Variants in ATP8B2 observed in about 807,000 individuals in gnomAD.
ATP8B2 encodes ATPase phospholipid transporting 8B2, also known as phospholipid-transporting ATPase ID.
A neutral mutation model predicts 133.4 loss-of-function variants in ATP8B2; 70 were observed. That is an observed-to-expected ratio of 0.52 (90% CI 0.43 to 0.64). ATP8B2 has a LOEUF of 0.64. Ranked by LOEUF, ATP8B2 falls within the 30% of genes least tolerant of loss-of-function variation. ATP8B2 has a pLI of 0.00. For synonymous variants in ATP8B2, 517 were observed against 589.5 expected, an observed-to-expected ratio of 0.88 and a Z score of 1.78; for missense variants, 1,101 against 1,535.7, an observed-to-expected ratio of 0.72 and a Z score of 4.73.
Position 154,328,994 on chromosome 1 carries a change from G to A in ATP8B2, c.31+822G>A, listed in dbSNP as rs545002534. On this transcript the variant is annotated intron_variant, in intron 2 of 27. Coordinates refer to ENST00000368489, the MANE Select transcript of ATP8B2 (RefSeq NM_001370597.1). The surrounding 1 kb of genome is among the most constrained non-coding windows in gnomAD (Gnocchi z 4.6). Reference sequence around the variant, plus strand: ...CCCCACTCAAACCGGGATCATGACGGTCCCCAAGGAGATGCCCGAGAAGTG... The same window carrying A: ...CCCCACTCAAACCGGGATCATGACGATCCCCAAGGAGATGCCCGAGAAGTG... 35 of 1,304,054 alleles carry A rather than the reference G, an allele frequency of 2.7e-5. 1 individual carries two copies. In the South Asian group the frequency reaches 3.9e-4, roughly 15 times the overall value. The allele number at this position is 1,304,054 out of a possible 1,614,324, so 80.8% of individuals were successfully genotyped here. A position where few individuals can be genotyped will look rare whatever the true frequency, so the allele number is the denominator to read the frequency against.
At chr1:154,339,047 C>A (rs1220450370) in intron 12 of ATP8B2, among the ~76,000 whole-genome samples, 1 of 152,204 alleles carries the variant, frequency 6.6e-6, no homozygotes, top group Non-Finnish European at 1.5e-5. Flanking sequence ...GATAAGGGAA[C>A]CTGTGACATT....
At chr1:154,339,342 C>T (rs1487152002) in intron 12 of ATP8B2, among the ~76,000 whole-genome samples, 12 of 152,128 alleles carry the variant, frequency 7.9e-5, no homozygotes, top group Admixed American at 7.9e-4. Context: ...TCTTAGTTTT[C>T]CCACGTGAAA....
chr1:154,351,097 A>G lies in ATP8B2; in HGVS notation c.*1979A>G, dbSNP rs1196185063. 2.7e-5 allele frequency: 4 copies of G among 146,898 alleles called. No homozygotes were observed. Among genetic ancestry groups the G allele is most frequent in the Non-Finnish European group, 6.0e-5 (4 of 66,896 alleles). 9.1% of individuals were successfully genotyped at this position (146,898 alleles called of 1,614,324 possible). ...ATTTTTTTTCATATTTTGTTTGTCT[A>G]TATTATATAAATATATATATACAGT... is the stretch of plus-strand genomic sequence containing the variant. On this transcript the variant is annotated 3_prime_UTR_variant, in exon 28 of 28. Coordinates refer to ENST00000368489, the MANE Select transcript of ATP8B2 (RefSeq NM_001370597.1).
At position 154,346,161 on chromosome 1, in the gene ATP8B2, T is replaced by G; in HGVS notation, c.2779-70T>G. 8 of 1,567,870 alleles carry G rather than the reference T, an allele frequency of 5.1e-6. No individual in the cohort carries two copies. Among genetic ancestry groups the G allele is most frequent in the Non-Finnish European group, 6.9e-6 (8 of 1,153,072 alleles). ...AGGAGGCAGGGACAGAGTCAGAGTC[T>G]GCCCTTGGTCATCCAGGGTCAAAAC... On this transcript the variant is annotated intron_variant, in intron 24 of 27. Coordinates refer to ENST00000368489, the MANE Select transcript of ATP8B2 (RefSeq NM_001370597.1). The surrounding 1 kb of genome is among the most constrained non-coding windows in gnomAD (Gnocchi z 4.5).
Position 154,345,970 on chromosome 1 carries a change from C to T in ATP8B2, c.2778+87C>T, listed in dbSNP as rs1686567919. 6 of 1,333,918 alleles carry T rather than the reference C, an allele frequency of 4.5e-6. No homozygotes were observed. The highest frequency in any genetic ancestry group is 2.9e-5 in the African/African-American group (2 of 69,056). 82.6% of individuals were successfully genotyped at this position (1,333,918 alleles called of 1,614,324 possible). A position where few individuals can be genotyped will look rare whatever the true frequency, so the allele number is the denominator to read the frequency against. ...TAGACGTGGTGTGTGACACTTGTGC[C>T]CATTTCCTGTGGCCACTGGGAAGGC... is the stretch of plus-strand genomic sequence containing the variant. On this transcript the variant is annotated intron_variant, in intron 24 of 27. Coordinates refer to ENST00000368489, the MANE Select transcript of ATP8B2 (RefSeq NM_001370597.1). This position sits in a 1 kb window ranked among gnomAD's most constrained non-coding sequence, Gnocchi z 5.6.
chr1:154,334,465 G>T lies in ATP8B2; in HGVS notation c.749-38G>T. On this transcript the variant is annotated intron_variant, in intron 10 of 27. Transcript: ENST00000368489. The surrounding 1 kb of genome is among the most constrained non-coding windows in gnomAD (Gnocchi z 4.6). ...AGGGCAGAAGCCCAGAGGCAGATGTGTTATTTGGCTTTCCCAGCCCTTCCC... is the reference window on the plus strand; with the variant it reads ...AGGGCAGAAGCCCAGAGGCAGATGTTTTATTTGGCTTTCCCAGCCCTTCCC... 3 of 1,603,576 alleles carry T rather than the reference G, an allele frequency of 1.9e-6. No homozygotes were observed. The highest frequency in any genetic ancestry group is 2.6e-6 in the Non-Finnish European group (3 of 1,170,692).
At position 154,345,304 on chromosome 1, in the gene ATP8B2, C is replaced by T; in HGVS notation, c.2471-18C>T. On this transcript the variant is annotated intron_variant, in intron 22 of 27. Transcript: ENST00000368489. This position sits in a 1 kb window ranked among gnomAD's most constrained non-coding sequence, Gnocchi z 5.6. ...CCGGTGGCCATCTTCACCCTCTTGTCATCTCTTGTCTCTGCAGCGGCTCAC... is the reference window on the plus strand; with the variant it reads ...CCGGTGGCCATCTTCACCCTCTTGTTATCTCTTGTCTCTGCAGCGGCTCAC... 2 of 1,613,190 alleles carry T rather than the reference C, an allele frequency of 1.2e-6. No homozygotes were observed. The highest frequency in any genetic ancestry group is 1.3e-5 in the African/African-American group (1 of 75,018).
In ATP8B2 at chr1:154,342,805, C is replaced by A. The variant is rs773566951; in HGVS notation, c.1297C>A (p.Pro433Thr). 3.7e-6 allele frequency: 6 copies of A among 1,614,106 alleles called. No individual in the cohort carries two copies. Among genetic ancestry groups the A allele is most frequent in the South Asian group, 3.3e-5 (3 of 91,082 alleles). The change falls in exon 15 of 28, where the codon CCT becomes ACT. Residue 433 changes from proline to threonine, a missense_variant. By Grantham distance (38) the Pro-to-Thr change is conservative. Coordinates refer to ENST00000368489, the MANE Select transcript of ATP8B2 (RefSeq NM_001370597.1). ...HKAELGERPE[P>T]VDFSFNPLAD... is the part of the protein sequence containing the mutation. The stretch of plus-strand genomic sequence containing the variant: ...TTCTTATGTGTTTCAGAGGCCTGAA[C>A]CTGTTGACTTCTCCTTCAATCCTCT...
intron 1 of ATP8B2, 178 bp from the exon 2 acceptor site, chr1:154,327,927 G>A: frequency 6.4e-7 from 1 of 1,566,532 alleles, no homozygotes; most frequent in East Asian, 2.2e-5. Context: ...GGGAGGTGGT[G>A]GGGAAGTCCC....
Position 154,328,891 on chromosome 1 carries a change from G to T in ATP8B2, c.31+719G>T, listed in dbSNP as rs1318781811. On this transcript the variant is annotated intron_variant, in intron 2 of 27. Coordinates refer to ENST00000368489, the MANE Select transcript of ATP8B2 (RefSeq NM_001370597.1). This position sits in a 1 kb window ranked among gnomAD's most constrained non-coding sequence, Gnocchi z 4.6. ...GACGGCTGGGGCTCCCCTCTGAGCG[G>T]CTGCGGCTCCTGCACCTCCCCGGGG... is the stretch of plus-strand genomic sequence containing the variant. 11 of 1,266,086 alleles carry T rather than the reference G, an allele frequency of 8.7e-6. No individual in the cohort carries two copies. Among genetic ancestry groups the T allele is most frequent in the Non-Finnish European group, 1.0e-5 (10 of 972,788 alleles). The allele number at this position is 1,266,086 out of a possible 1,614,324, so 78.4% of individuals were successfully genotyped here. A position where few individuals can be genotyped will look rare whatever the true frequency, so the allele number is the denominator to read the frequency against.
Position 154,349,163 on chromosome 1 carries a change from G to T in ATP8B2, c.*45G>T. ...TGTGCCAGTGACCAGAGCACCCAGG[G>T]CTGGCCAGTCACTGAGGGAACAGCG... On this transcript the variant is annotated 3_prime_UTR_variant, in exon 28 of 28. Transcript: ENST00000368489. The T allele has an allele frequency of 6.3e-7, 1 of 1,589,326 alleles. No homozygotes were observed. Among genetic ancestry groups the T allele is most frequent in the Non-Finnish European group, 8.6e-7 (1 of 1,164,378 alleles).
intron 13 of ATP8B2, 59 bp from the exon 14 acceptor site, chr1:154,342,421 C>G: frequency 6.4e-7 from 1 of 1,554,404 alleles, no homozygotes; most frequent in Non-Finnish European, 8.9e-7. Context: ...GATGTTTTTC[C>G]ATGCTCTGGA....
rs1379560164 is a variant in ATP8B2 at position 154,325,715 on chromosome 1, G to C, written c.-38+13G>C. 1.3e-5 allele frequency: 2 copies of C among 152,830 alleles called. No homozygotes were observed. The highest frequency in any genetic ancestry group is 2.9e-5 in the Non-Finnish European group (2 of 68,636). The allele number at this position is 152,830 out of a possible 1,614,324, so 9.5% of individuals were successfully genotyped here. A position where few individuals can be genotyped will look rare whatever the true frequency, so the allele number is the denominator to read the frequency against. ...GCTGAGCGCTGAGGTGAGGCGAGGC[G>C]AGGCGAAGCGGGGGCGCCCGGGAGC... On this transcript the variant is annotated intron_variant, in intron 1 of 27. Coordinates refer to ENST00000368489, the MANE Select transcript of ATP8B2 (RefSeq NM_001370597.1).
In ATP8B2 at chr1:154,340,698, C is replaced by T. The variant is rs1353453183; in HGVS notation, c.1035-156C>T. ...GGCTGTGTGCAGCCGGCTCCACCTT[C>T]AGGCTCTCCTTGCCCTTTCCCACCC... is the stretch of plus-strand genomic sequence containing the variant. On this transcript the variant is annotated intron_variant, in intron 12 of 27. Transcript: ENST00000368489. The surrounding 1 kb of genome is among the most constrained non-coding windows in gnomAD (Gnocchi z 4.0). 1.3e-5 allele frequency among the ~76,000 whole-genome samples: 2 copies of T among 152,114 alleles called. No individual in the cohort carries two copies. Among genetic ancestry groups the T allele is most frequent in the African/African-American group, 2.4e-5 (1 of 41,394 alleles).
Position 154,344,330 on chromosome 1 carries a change from C to A in ATP8B2, c.2036-65C>A. ...GACCCTTGCATGGAGCCGAGGACATCAGGCAGGCAAGTGTGCTGACCTTGT... is the reference window on the plus strand; with the variant it reads ...GACCCTTGCATGGAGCCGAGGACATAAGGCAGGCAAGTGTGCTGACCTTGT... On this transcript the variant is annotated intron_variant, in intron 19 of 27. Transcript: ENST00000368489. The surrounding 1 kb of genome is among the most constrained non-coding windows in gnomAD (Gnocchi z 4.1). The A allele has an allele frequency of 6.2e-7, 1 of 1,614,116 alleles. No homozygotes were observed. Among genetic ancestry groups the A allele is most frequent in the Admixed American group, 1.7e-5 (1 of 60,020 alleles).
At chr1:154,333,905 GA>G (rs1238318473) in intron 9 of ATP8B2, among the ~76,000 whole-genome samples, 1 of 152,106 alleles carries the variant, frequency 6.6e-6, no homozygotes, top group Non-Finnish European at 1.5e-5. Context: ...AAAGTGCTGG[GA>G]TTACAGGCAT....
In ATP8B2 at chr1:154,344,911, G is replaced by C; in HGVS notation, c.2287-60G>C. 4 of 1,559,690 alleles carry C rather than the reference G, an allele frequency of 2.6e-6. No homozygotes were observed. The stretch of plus-strand genomic sequence containing the variant: ...CTGGTCTCAAAGGGGACTGGGAGGA[G>C]CTGAGACTCCCAGGTGTCTCCTGGA... On this transcript the variant is annotated intron_variant, in intron 21 of 27. Transcript: ENST00000368489. The surrounding 1 kb of genome is among the most constrained non-coding windows in gnomAD (Gnocchi z 4.1).
chr1:154,348,698 G>A (rs1354933145), intron 27 of ATP8B2, 142 bp from the exon 28 acceptor site: 3 of 1,375,558 alleles, frequency 2.2e-6, no homozygotes, highest in Non-Finnish European at 2.9e-6. Flanking sequence ...GGCCACAGAG[G>A]CCTCTGCGTC....
chr1:154,343,700 G>C lies in ATP8B2; in HGVS notation c.1758+132G>C. 1.0e-6 allele frequency: 1 copy of C among 995,796 alleles called. No homozygotes were observed. The highest frequency in any genetic ancestry group is 1.5e-6 in the Non-Finnish European group (1 of 671,974). 61.7% of individuals were successfully genotyped at this position (995,796 alleles called of 1,614,324 possible). A position where few individuals can be genotyped will look rare whatever the true frequency, so the allele number is the denominator to read the frequency against. On this transcript the variant is annotated intron_variant, in intron 17 of 27. Coordinates refer to ENST00000368489, the MANE Select transcript of ATP8B2 (RefSeq NM_001370597.1). This position sits in a 1 kb window ranked among gnomAD's most constrained non-coding sequence, Gnocchi z 5.8. ...TTTTGATGTGTATATATAGTGAAGTGATTACTACAGTCAGACAACTTAACA... is the reference window on the plus strand; with the variant it reads ...TTTTGATGTGTATATATAGTGAAGTCATTACTACAGTCAGACAACTTAACA...
Sources: gnomAD v4.1 joint callset for allele counts (sites outside exome capture counted in the v4.1 genomes callset) on GRCh38, gnomAD v4.1.1 for gene constraint, Gnocchi (gnomAD v3.1) non-coding constraint, MANE v1.5 for transcripts, NCBI Gene and HGNC (gene_info 2026-07-23, HGNC 2026-07-21) for gene names.